Variants in B3GALT1 observed in about 807,000 individuals in gnomAD.
B3GALT1 encodes the protein UDP-Gal:betaGlcNAc beta 1,3-galactosyltransferase, polypeptide 1.
B3GALT1 carries 10 observed loss-of-function variants against 23.2 expected under a neutral mutation model. The observed-to-expected ratio is 0.43, with a 90% CI of 0.27 to 0.73. The LOEUF is 0.73. B3GALT1 is among the 30% of genes least tolerant of loss of function. The probability of loss-of-function intolerance (pLI) is 0.21; values close to 1 mark genes in which losing one functional copy is unlikely to be tolerated. For synonymous variants in B3GALT1, 156 were observed against 141.5 expected (o/e 1.10, Z -0.73); for missense variants, 299 against 405.4 (o/e 0.74, Z 2.25).
chr2:167,792,484 C>T (rs1688453835), intron 3 of B3GALT1, among the ~76,000 whole-genome samples: 1 of 152,146 alleles, frequency 6.6e-6, no homozygotes, highest in Non-Finnish European at 1.5e-5. Context: ...ATCCATTGAC[C>T]AGAATGGGTC....
At chr2:167,805,471 T>G (rs181358093) in intron 3 of B3GALT1, among the ~76,000 whole-genome samples, 58 of 152,362 alleles carry the variant, frequency 3.8e-4, no homozygotes, top group Middle Eastern at 3.4e-3. Flanking sequence ...GTCTAACATT[T>G]AAGTCTTTAA....
chr2:167,829,257 G>A (rs1275036661), intron 4 of B3GALT1, among the ~76,000 whole-genome samples: 1 of 152,138 alleles, frequency 6.6e-6, no homozygotes, highest in Non-Finnish European at 1.5e-5. Context: ...GCCGAGGTAG[G>A]TGGATCATGA....
chr2:167,476,412 A>G (rs1417267142), intron 1 of B3GALT1, among the ~76,000 whole-genome samples: 1 of 152,192 alleles, frequency 6.6e-6, no homozygotes, highest in Non-Finnish European at 1.5e-5. Context: ...ATATTTGCCC[A>G]CTGGGTTGCA....
chr2:167,314,243 G>A (rs1453727798), intron 1 of B3GALT1, among the ~76,000 whole-genome samples: 2 of 152,112 alleles, frequency 1.3e-5, no homozygotes, highest in Non-Finnish European at 2.9e-5. Context: ...CTGGGGAATG[G>A]AAGAGTCTCC....
chr2:167,409,960 A>G (rs1018838593), intron 1 of B3GALT1, among the ~76,000 whole-genome samples: 3 of 152,168 alleles, frequency 2.0e-5, no homozygotes, highest in African/African-American at 7.2e-5. Context: ...TCATTCTACC[A>G]TAAAGACATA....
chr2:167,869,312 T>G lies in B3GALT1; in HGVS notation c.273T>G (p.Phe91Leu), dbSNP rs1267756610. 2 of 1,614,178 alleles carry G rather than the reference T, an allele frequency of 1.2e-6. No individual in the cohort carries two copies. The highest frequency in any genetic ancestry group is 2.2e-5 in the South Asian group (2 of 91,078). The stretch of plus-strand genomic sequence containing the variant: ...TCATCAGCACCACTCACAAGGAATT[T>G]GATGCCCGTCAGGCAATCAGAGAGA... ...VILISTTHKEFDARQAIRETW... is the reference protein window; with the variant it reads ...VILISTTHKELDARQAIRETW... Residue 91 changes from phenylalanine to leucine, a missense_variant, in exon 5 of 5, where the codon TTT becomes TTG. By Grantham distance (22) the Phe-to-Leu change is conservative (BLOSUM62 0). This residue lies in a region of B3GALT1 where 162 missense variants were observed against 184.1 expected (regional missense o/e 0.88). Coordinates refer to ENST00000392690, the MANE Select transcript of B3GALT1 (RefSeq NM_020981.4). The surrounding 1 kb of genome is among the most constrained non-coding windows in gnomAD (Gnocchi z 6.4).
At chr2:167,763,690 G>GAAAAAA (rs35567239) in intron 3 of B3GALT1, among the ~76,000 whole-genome samples, 6 of 82,036 alleles carry the variant, frequency 7.3e-5, no homozygotes, top group South Asian at 5.8e-4. Flanking sequence ...GACTCTGTCA[G>GAAAAAA]AAAAAAAAAA....
intron 3 of B3GALT1, among the ~76,000 whole-genome samples, chr2:167,665,479 A>C (rs925083559): frequency 6.6e-6 from 1 of 151,040 alleles, no homozygotes; most frequent in Non-Finnish European, 1.5e-5. Flanking sequence ...TGGCCTCATA[A>C]AATGAGTTAG....
chr2:167,507,062 C>T (rs1245727645), intron 2 of B3GALT1, among the ~76,000 whole-genome samples: 9 of 151,538 alleles, frequency 5.9e-5, no homozygotes, highest in Non-Finnish European at 8.8e-5. Context: ...AGACTAAAAC[C>T]GTAAAACTGA....
chr2:167,516,150 A>T (rs1347086024), intron 2 of B3GALT1, among the ~76,000 whole-genome samples: 8 of 152,028 alleles, frequency 5.3e-5, no homozygotes, highest in Admixed American at 5.2e-4. Context: ...TAGCTAGAAG[A>T]TTCTGTTAGA....
At chr2:167,732,971 GT>G (rs1461263935) in intron 3 of B3GALT1, among the ~76,000 whole-genome samples, 1 of 152,200 alleles carries the variant, frequency 6.6e-6, no homozygotes, top group Non-Finnish European at 1.5e-5. Flanking sequence ...GACAGATACT[GT>G]TTTTATTTCC....
At chr2:167,845,632 C>A (rs912197616) in intron 4 of B3GALT1, among the ~76,000 whole-genome samples, 5 of 152,202 alleles carry the variant, frequency 3.3e-5, no homozygotes, top group Admixed American at 1.3e-4. Flanking sequence ...TCTGACAGAG[C>A]CTTCCCAAAT....
intron 1 of B3GALT1, among the ~76,000 whole-genome samples, chr2:167,465,684 C>G (rs111301269): frequency 6.6e-6 from 1 of 151,984 alleles, no homozygotes; most frequent in Admixed American, 6.6e-5. Context: ...ACATTTAGAC[C>G]ACAGCAGATA....
At chr2:167,833,934 G>A (rs1372444465) in intron 4 of B3GALT1, among the ~76,000 whole-genome samples, 2 of 151,952 alleles carry the variant, frequency 1.3e-5, no homozygotes, top group Non-Finnish European at 2.9e-5. Flanking sequence ...TACTTCCAAC[G>A]CTGAAATTTG....
chr2:167,344,238 A>C (rs1251296261), intron 1 of B3GALT1, among the ~76,000 whole-genome samples: 1 of 152,180 alleles, frequency 6.6e-6, no homozygotes, highest in Non-Finnish European at 1.5e-5. Flanking sequence ...GTTTGTTTCC[A>C]TATCTTCAGA....
rs182100261 is a variant in B3GALT1, at chr2:167,296,942, C to G, written c.-511+3608C>G. On this transcript the variant is annotated intron_variant, in intron 1 of 4. Coordinates refer to ENST00000392690, the MANE Select transcript of B3GALT1 (RefSeq NM_020981.4). The stretch of plus-strand genomic sequence containing the variant: ...GACCAATCTCTTTCCATCTCATTTT[C>G]TCTTGAACTTATATGTCCCCACTCA... Among the ~76,000 whole-genome samples, 684 of 152,200 alleles carry G rather than the reference C, an allele frequency of 4.5e-3. 1 individual carries two copies. Among genetic ancestry groups the G allele is most frequent in the Non-Finnish European group, 6.9e-3 (470 of 67,966 alleles).
chr2:167,820,536 C>G (rs759569150), intron 4 of B3GALT1, among the ~76,000 whole-genome samples: 6 of 152,174 alleles, frequency 3.9e-5, no homozygotes, highest in African/African-American at 1.4e-4. Context: ...TGATGTGGCT[C>G]AAGGTGTGGT....
chr2:167,299,120 T>G (rs1317989700), intron 1 of B3GALT1, among the ~76,000 whole-genome samples: 2 of 152,146 alleles, frequency 1.3e-5, no homozygotes, highest in Admixed American at 1.3e-4. Flanking sequence ...TTAATTGTAC[T>G]TAGTGTTTTG....
intron 2 of B3GALT1, among the ~76,000 whole-genome samples, chr2:167,588,157 C>G (rs936564841): frequency 6.6e-6 from 1 of 152,134 alleles, no homozygotes; most frequent in Admixed American, 6.5e-5. Context: ...CTGAAAATAG[C>G]CAGCTCAGGA....
Sources: allele counts gnomAD v4.1 joint callset (sites outside exome capture counted in the v4.1 genomes callset), GRCh38; gene constraint gnomAD v4.1.1; regional missense constraint gnomAD v4.1.1; non-coding constraint Gnocchi (gnomAD v3.1); transcripts MANE v1.5; gene names NCBI Gene and HGNC (gene_info 2026-07-23, HGNC 2026-07-21).